The following GABRA5 variants were observed in gnomAD, a reference collection of about 807,000 sequenced individuals.
The protein encoded by GABRA5 is gamma-aminobutyric acid type A receptor subunit alpha5.
A neutral mutation model predicts 47.3 loss-of-function variants in GABRA5; 18 were observed. That is an observed-to-expected ratio of 0.38 (90% confidence interval 0.26 to 0.56). The LOEUF (loss-of-function observed/expected upper bound fraction) is 0.56, where lower values mean the gene tolerates loss of function less well. Ranked by LOEUF, GABRA5 falls within the 20% of genes least tolerant of loss-of-function variation. The pLI, the probability that GABRA5 is intolerant of heterozygous loss-of-function variation, is 0.71. For missense variants in GABRA5, 365 were observed against 599.3 expected (o/e 0.61, Z 4.08); for synonymous variants, 237 against 229.3 (o/e 1.03, Z -0.30).
chr15:26,879,653 T>C (rs1892680630), intron 3 of GABRA5, among the ~76,000 whole-genome samples: 1 of 152,168 alleles, frequency 6.6e-6, no homozygotes, highest in African/African-American at 2.4e-5. Flanking sequence ...AATTGATCTG[T>C]TAGATGCAAT....
intron 6 of GABRA5, among the ~76,000 whole-genome samples, chr15:26,895,035 A>C (rs962646057): frequency 3.3e-5 from 5 of 151,506 alleles, no homozygotes; most frequent in African/African-American, 1.2e-4. Context: ...CTCAAACAGG[A>C]GCTGCTGCCT....
rs1595426779 is a variant in GABRA5 at position 26,925,308 on chromosome 15, A to G, written c.580+10423A>G. Among the ~76,000 whole-genome samples the G allele has an allele frequency of 3.3e-5, 5 of 152,036 alleles. No homozygotes were observed. In the South Asian group the frequency reaches 1.0e-3, roughly 31 times the overall value. On this transcript the variant is annotated intron_variant, in intron 7 of 10. Transcript: ENST00000335625. ...CCCATGGATCACTAGGGGTGTGCTC[A>G]TGTTTTTAACCATTGTCTTGCCTCT...
intron 8 of GABRA5, chr15:26,939,208 G>A (rs1479108149): frequency 1.3e-6 from 1 of 763,948 alleles, no homozygotes; most frequent in Non-Finnish European, 2.4e-6. Context: ...CACACTCCCT[G>A]ACCACAGCTC....
At chr15:26,905,275 T>G (rs1426639162) in intron 6 of GABRA5, among the ~76,000 whole-genome samples, 1 of 73,950 alleles carries the variant, frequency 1.4e-5, no homozygotes. Flanking sequence ...AATTCTTGGT[T>G]GACAAGTTTT....
intron 1 of GABRA5, 124 bp from the exon 2 acceptor site, chr15:26,868,605 C>G (rs1247584935): frequency 6.6e-6 from 1 of 152,494 alleles, no homozygotes; most frequent in East Asian, 1.9e-4. Flanking sequence ...TATGTAGTCA[C>G]GGGGACCGAA....
chr15:26,903,789 T>C (rs1372214910), intron 6 of GABRA5, among the ~76,000 whole-genome samples: 1 of 151,996 alleles, frequency 6.6e-6, no homozygotes, highest in African/African-American at 2.4e-5. Flanking sequence ...CTTTGCTCGC[T>C]TTTTAACAGG....
intron 6 of GABRA5, among the ~76,000 whole-genome samples, chr15:26,885,343 G>A (rs116428032): frequency 1.9e-4 from 28 of 149,974 alleles, no homozygotes; most frequent in African/African-American, 5.6e-4. Context: ...CAAGAGATGT[G>A]GGGGGCGTGA....
chr15:26,936,407 A>C (rs1289331533), intron 7 of GABRA5, among the ~76,000 whole-genome samples: 1 of 151,932 alleles, frequency 6.6e-6, no homozygotes, highest in Non-Finnish European at 1.5e-5. Flanking sequence ...CCCTTACCCC[A>C]TCCTCAAGCC....
intron 6 of GABRA5, among the ~76,000 whole-genome samples, chr15:26,904,501 A>T (rs1001714297): frequency 2.6e-5 from 4 of 152,140 alleles, no homozygotes; most frequent in African/African-American, 9.7e-5. Context: ...GTTGTGAAGA[A>T]TGTCATTGGT....
intron 6 of GABRA5, among the ~76,000 whole-genome samples, chr15:26,892,758 G>T (rs1893039449): frequency 6.6e-6 from 1 of 152,232 alleles, no homozygotes; most frequent in Non-Finnish European, 1.5e-5. Flanking sequence ...ACATGGAGAA[G>T]AAGAGGATCG....
At chr15:26,874,317 A>C (rs1892540787) in intron 3 of GABRA5, among the ~76,000 whole-genome samples, 1 of 126,722 alleles carries the variant, frequency 7.9e-6, no homozygotes, top group Non-Finnish European at 1.7e-5. Flanking sequence ...TTCACAATGC[A>C]TTTTTTTTTT....
At chr15:26,884,979 TG>T (rs1226480061) in intron 6 of GABRA5, among the ~76,000 whole-genome samples, 1 of 152,256 alleles carries the variant, frequency 6.6e-6, no homozygotes, top group East Asian at 1.9e-4. Flanking sequence ...ACGCAAGGAC[TG>T]GTGCTCTTAT....
At chr15:26,947,188 A>G (rs1894532044) in intron 10 of GABRA5, among the ~76,000 whole-genome samples, 2 of 152,214 alleles carry the variant, frequency 1.3e-5, no homozygotes, top group South Asian at 4.1e-4. Flanking sequence ...GTTTATGGCA[A>G]GATCTTGAGA....
chr15:26,943,057 C>G (rs1894422171), intron 9 of GABRA5, among the ~76,000 whole-genome samples, 158 bp from the exon 10 acceptor site: 1 of 152,162 alleles, frequency 6.6e-6, no homozygotes, highest in Admixed American at 6.5e-5. Flanking sequence ...GCACTCCAGC[C>G]TGGGCGACAG....
chr15:26,939,809 A>G, intron 8 of GABRA5, 116 bp from the exon 9 acceptor site: 2 of 997,700 alleles, frequency 2.0e-6, no homozygotes, highest in South Asian at 2.9e-5. Context: ...CAGATCATAC[A>G]AATGAATGCT....
chr15:26,909,614 G>T (rs917806282), intron 6 of GABRA5, among the ~76,000 whole-genome samples: 10 of 152,172 alleles, frequency 6.6e-5, no homozygotes, highest in African/African-American at 2.4e-4. Context: ...GAGGACACTT[G>T]TATTCTTAGA....
At chr15:26,932,903 A>C (rs1184791785) in intron 7 of GABRA5, among the ~76,000 whole-genome samples, 1 of 152,204 alleles carries the variant, frequency 6.6e-6, no homozygotes, top group East Asian at 1.9e-4. Context: ...CAATGAGAAC[A>C]GATGGACACA....
chr15:26,897,697 A>AT (rs1294622464), intron 6 of GABRA5, among the ~76,000 whole-genome samples: 5 of 152,210 alleles, frequency 3.3e-5, no homozygotes, highest in African/African-American at 1.2e-4. Flanking sequence ...TCTTTTAATC[A>AT]TAGAGAGGGT....
At chr15:26,897,203 T>C (rs1386556307) in intron 6 of GABRA5, among the ~76,000 whole-genome samples, 1 of 152,038 alleles carries the variant, frequency 6.6e-6, no homozygotes, top group Non-Finnish European at 1.5e-5. Context: ...TCCTAACCTC[T>C]CAGTTGTCAG....
Sources: gnomAD v4.1 joint callset for allele counts (sites outside exome capture counted in the v4.1 genomes callset) on GRCh38, gnomAD v4.1.1 for gene constraint, MANE v1.5 for transcripts, NCBI Gene and HGNC (gene_info 2026-07-23, HGNC 2026-07-21) for gene names.